PCLO: variants seen among roughly 807,000 people sequenced by gnomAD.
PCLO encodes the protein piccolo presynaptic cytomatrix protein.
In PCLO, 82 loss-of-function variants were observed where a neutral mutation model predicts 427.5. The ratio of observed to expected loss-of-function variants is 0.19; its 90% CI spans 0.16 to 0.23. PCLO has a LOEUF of 0.23. Ranked by LOEUF, PCLO falls within the 10% of genes least tolerant of loss-of-function variation. PCLO has a pLI of 1.00. For missense variants in PCLO, 6,239 were observed against 6,115.9 expected, an observed-to-expected ratio of 1.02 and a Z score of -0.67; for synonymous variants, 2,357 against 2,155.4, an observed-to-expected ratio of 1.09 and a Z score of -2.59.
At chr7:82,799,266 A>G (rs1333247971) in intron 22 of PCLO, among the ~76,000 whole-genome samples, 1 of 152,218 alleles carries the variant, frequency 6.6e-6, no homozygotes, top group Non-Finnish European at 1.5e-5. Flanking sequence ...CATTTGCTCA[A>G]CAAACATTCT....
At chr7:82,822,775 T>C (rs1791828032) in intron 19 of PCLO, 86 bp from the exon 20 acceptor site, 3 of 1,087,074 alleles carry the variant, frequency 2.8e-6, no homozygotes, top group Non-Finnish European at 4.2e-6. Context: ...TGAAACTGCC[T>C]AAAATTTATG....
intron 3 of PCLO, among the ~76,000 whole-genome samples, chr7:82,980,464 G>A (rs967205863): frequency 1.3e-5 from 2 of 152,100 alleles, no homozygotes; most frequent in Admixed American, 6.6e-5. Flanking sequence ...TTAGAAAGTG[G>A]CATGATTGAG....
At chr7:82,890,537 CTTCT>C (rs1228718954) in intron 9 of PCLO, among the ~76,000 whole-genome samples, 4 of 151,688 alleles carry the variant, frequency 2.6e-5, no homozygotes, top group Admixed American at 2.0e-4. Context: ...GTGACTCTTC[CTTCT>C]GTTAGTCCAC....
Position 83,162,708 on chromosome 7 carries a change from G to A in PCLO, c.-116C>T, listed in dbSNP as rs549218504. 1.9e-5 allele frequency: 26 copies of A among 1,341,100 alleles called. No individual in the cohort carries two copies. In the South Asian group the frequency reaches 3.4e-4, roughly 17 times the overall value. The allele number at this position is 1,341,100 out of a possible 1,614,324, so 83.1% of individuals were successfully genotyped here. On this transcript the variant is annotated 5_prime_UTR_variant, in exon 1 of 25. Coordinates refer to ENST00000333891, the MANE Select transcript of PCLO (RefSeq NM_033026.6). Reference sequence around the variant, plus strand: ...TCCGCCTCGGGGCGTGCAGGCAGCCGAGTCCCTGGACTCTGGACCAGGCAC... The same window carrying A: ...TCCGCCTCGGGGCGTGCAGGCAGCCAAGTCCCTGGACTCTGGACCAGGCAC...
intron 20 of PCLO, among the ~76,000 whole-genome samples, chr7:82,810,174 T>C (rs1791539839): frequency 6.6e-6 from 1 of 151,534 alleles, no homozygotes; most frequent in African/African-American, 2.4e-5. Context: ...GAAATAATAT[T>C]TTAAACACAC....
chr7:82,804,000 A>G (rs1386703109), intron 21 of PCLO, among the ~76,000 whole-genome samples: 1 of 152,176 alleles, frequency 6.6e-6, no homozygotes, highest in Non-Finnish European at 1.5e-5. Flanking sequence ...TGACATATTT[A>G]CTTTTTGGAA....
At chr7:82,824,077 A>G (rs1791866958) in intron 19 of PCLO, among the ~76,000 whole-genome samples, 159 bp downstream of exon 19, 1 of 152,140 alleles carries the variant, frequency 6.6e-6, no homozygotes. Context: ...AATAAAGCCC[A>G]TTTCTCCTGA....
intron 3 of PCLO, among the ~76,000 whole-genome samples, chr7:83,033,364 TA>T (rs1788718247): frequency 6.6e-6 from 1 of 152,204 alleles, no homozygotes; most frequent in South Asian, 2.1e-4. Context: ...CTGTAAATAT[TA>T]AACACAATAA....
rs748291763 is a variant in PCLO, at chr7:82,955,696, T to C, written c.5257A>G (p.Lys1753Glu). ...CTGTGCCGAGCTTTGCGTTGCTGTT[T>C]GCTCTCTCCTTTTTTGTGACTCGGG... is the stretch of plus-strand genomic sequence containing the variant. ...SSPSHKKGESKQQRKARHRPH... is the reference protein window; with the variant it reads ...SSPSHKKGESEQQRKARHRPH... The change falls in exon 5 of 25, where the codon AAA becomes GAA. Residue 1753 changes from lysine to glutamate, a missense_variant. Around this residue, in one of 5 missense-constraint regions of PCLO, gnomAD observed 4,677 missense variants for 4,468.4 expected, o/e 1.05. Transcript: ENST00000333891. 6.2e-6 allele frequency: 10 copies of C among 1,613,852 alleles called. No individual in the cohort carries two copies. Among genetic ancestry groups the C allele is most frequent in the Non-Finnish European group, 7.6e-6 (9 of 1,179,878 alleles).
rs914964053 is a variant in PCLO, at chr7:82,900,560, G to A, written c.13528+2091C>T. Reference sequence around the variant, plus strand: ...TTGATTTAAATATGGACTATTGATTGTAATATAAAAATTTCATACATCTTT... The same window carrying A: ...TTGATTTAAATATGGACTATTGATTATAATATAAAAATTTCATACATCTTT... On this transcript the variant is annotated intron_variant, in intron 9 of 24. Transcript: ENST00000333891. Among the ~76,000 whole-genome samples the A allele has an allele frequency of 8.0e-5, 12 of 150,784 alleles. 1 individual carries two copies. The highest frequency in any genetic ancestry group is 2.7e-4 in the Admixed American group (4 of 15,040).
chr7:83,003,790 T>C (rs138325380), intron 3 of PCLO, among the ~76,000 whole-genome samples: 1 of 151,934 alleles, frequency 6.6e-6, no homozygotes, highest in East Asian at 1.9e-4. Context: ...CCAGGAATAT[T>C]GGCCTGAGTT....
At chr7:83,063,681 G>A (rs928823140) in intron 3 of PCLO, among the ~76,000 whole-genome samples, 3 of 152,074 alleles carry the variant, frequency 2.0e-5, no homozygotes, top group Non-Finnish European at 4.4e-5. Context: ...TTATCAGGAT[G>A]TAACCCCATT....
chr7:82,890,646 TTGC>T (rs1170388739), intron 9 of PCLO, among the ~76,000 whole-genome samples: 2,792 of 152,078 alleles, frequency 0.018, 94 homozygotes, highest in African/African-American at 0.064. Flanking sequence ...TTTGTTGTAG[TTGC>T]TTTTTTAAAA....
intron 6 of PCLO, among the ~76,000 whole-genome samples, chr7:82,935,492 G>C (rs1488367035): frequency 6.6e-6 from 1 of 151,144 alleles, no homozygotes; most frequent in Non-Finnish European, 1.5e-5. Flanking sequence ...TATGTATGTT[G>C]CTTTTCACTC....
At chr7:82,854,921 TA>T (rs1278041122) in intron 10 of PCLO, among the ~76,000 whole-genome samples, 1 of 152,128 alleles carries the variant, frequency 6.6e-6, no homozygotes, top group Non-Finnish European at 1.5e-5. Flanking sequence ...TACATATTTT[TA>T]AAACTTTTCA....
chr7:82,790,851 A>T (rs1485905493), intron 22 of PCLO, among the ~76,000 whole-genome samples: 1 of 152,236 alleles, frequency 6.6e-6, no homozygotes, highest in Non-Finnish European at 1.5e-5. Context: ...GTATAACAAC[A>T]TACAGGATTA....
At chr7:83,160,553 TA>T (rs11309799) in intron 1 of PCLO, among the ~76,000 whole-genome samples, 33,892 of 151,984 alleles carry the variant, frequency 0.22, 4,369 homozygotes, top group Middle Eastern at 0.33. Flanking sequence ...AATTATTATT[TA>T]TTTTTTAGTA....
chr7:82,896,458 C>A (rs1337659717), intron 9 of PCLO, among the ~76,000 whole-genome samples: 1 of 151,512 alleles, frequency 6.6e-6, no homozygotes, highest in African/African-American at 2.4e-5. Context: ...CTTACAGAGA[C>A]AAGAAGTAAA....
intron 6 of PCLO, among the ~76,000 whole-genome samples, chr7:82,940,202 G>A (rs181137640): frequency 6.0e-4 from 92 of 152,162 alleles, no homozygotes; most frequent in Non-Finnish European, 1.2e-3. Context: ...TTATAGGCTC[G>A]ACTCCTGCCA....
Sources: allele counts gnomAD v4.1 joint callset (sites outside exome capture counted in the v4.1 genomes callset), GRCh38; gene constraint gnomAD v4.1.1; regional missense constraint gnomAD v4.1.1; transcripts MANE v1.5; gene names NCBI Gene and HGNC (gene_info 2026-07-23, HGNC 2026-07-21).